Variants in RIF1 observed in about 807,000 individuals in gnomAD.
RIF1 encodes the protein telomere-associated protein RIF1.
A neutral mutation model predicts 247.1 loss-of-function variants in RIF1; 45 were observed. The observed-to-expected ratio is 0.18, with a 90% confidence interval of 0.14 to 0.23. The LOEUF (loss-of-function observed/expected upper bound fraction) is 0.23, where lower values mean the gene tolerates loss of function less well. RIF1 is among the 10% of genes least tolerant of loss of function. The probability of loss-of-function intolerance (pLI) is 1.00; values close to 1 mark genes in which losing one functional copy is unlikely to be tolerated. For synonymous variants in RIF1, 1,087 were observed against 978.8 expected, an observed-to-expected ratio of 1.11 and a Z score of -2.06; for missense variants, 2,967 against 2,862.5, an observed-to-expected ratio of 1.04 and a Z score of -0.83.
chr2:151,464,520 T>A lies in RIF1; in HGVS notation c.5000T>A (p.Leu1667Gln). ...TATGCAGAATATTCCTTTACAAGTC[T>A]ACCTGTGCCAGAATCAAATCTAAGG... ...SKYAEYSFTS[L>Q]PVPESNLRTR... The change falls in exon 30 of 36, where the codon CTA becomes CAA. Residue 1667 changes from leucine (L) to glutamine (Q), a missense_variant. Leu to Gln is a moderately radical substitution (Grantham distance 113). Coordinates refer to ENST00000444746, the MANE Select transcript of RIF1 (RefSeq NM_018151.5). 1 of 1,611,814 alleles carries A rather than the reference T, an allele frequency of 6.2e-7. No homozygotes were observed. The highest frequency in any genetic ancestry group is 8.5e-7 in the Non-Finnish European group (1 of 1,179,246).
intron 20 of RIF1, among the ~76,000 whole-genome samples, chr2:151,447,960 T>C (rs531227676): frequency 6.6e-6 from 1 of 152,342 alleles, no homozygotes; most frequent in East Asian, 1.9e-4. Context: ...TGAAATGATA[T>C]TTGTTGTGCC....
intron 22 of RIF1, among the ~76,000 whole-genome samples, chr2:151,455,476 A>G (rs1695032342): frequency 6.6e-6 from 1 of 151,278 alleles, no homozygotes; most frequent in Non-Finnish European, 1.5e-5. Flanking sequence ...CTGTTTTGCA[A>G]TTAATTATAT....
chr2:151,492,253 T>C (rs1415946526), intron 9 of RIF1: 1 of 1,613,406 alleles, frequency 6.2e-7, no homozygotes, highest in East Asian at 2.2e-5. Context: ...GCAACCCTTG[T>C]GTTTCTCAAA....
Position 151,468,038 on chromosome 2 carries a change from A to T in RIF1, c.6639A>T (p.Ala2213=), listed in dbSNP as rs1411975259. Residue 2213 remains alanine (A), a synonymous_variant, in exon 31 of 36, where the codon GCA becomes GCT. Transcript: ENST00000444746. ...RVSFADPIYQ[A]GLADDIDRRC... Reference sequence around the variant, plus strand: ...CCTTTGCAGATCCAATATACCAAGCAGGATTGGCAGATGACATTGATAGAC... The same window carrying T: ...CCTTTGCAGATCCAATATACCAAGCTGGATTGGCAGATGACATTGATAGAC... The T allele has an allele frequency of 6.2e-7, 1 of 1,613,762 alleles. No individual in the cohort carries two copies. The highest frequency in any genetic ancestry group is 8.5e-7 in the Non-Finnish European group (1 of 1,179,838).
chr2:151,431,832 C>T (rs1186509063), intron 9 of RIF1, among the ~76,000 whole-genome samples: 1 of 146,130 alleles, frequency 6.8e-6, no homozygotes, highest in Non-Finnish European at 1.5e-5. Flanking sequence ...GAATAGGAGA[C>T]CCCAAAAAGG....
chr2:151,529,322 A>G, the RIF1 span: 5 of 1,554,716 alleles, frequency 3.2e-6, no homozygotes, highest in Non-Finnish European at 4.4e-6. Flanking sequence ...CAGCTGTGGG[A>G]GGAAACACAG....
rs72860218 is a variant in RIF1 at position 151,417,886 on chromosome 2, T to A, written c.503+985T>A. The stretch of plus-strand genomic sequence containing the variant: ...GCTGCATGGTACAACCTGTTGCTCC[T>A]AGGCTACAGACCTGTACAGTATATT... On this transcript the variant is annotated intron_variant, in intron 6 of 35. Transcript: ENST00000444746. 4.9e-3 allele frequency among the ~76,000 whole-genome samples: 748 copies of A among 152,346 alleles called. 5 individuals carry two copies. The highest frequency in any genetic ancestry group is 7.8e-3 in the Admixed American group (119 of 15,294).
chr2:151,463,302 T>G lies in RIF1; in HGVS notation c.3782T>G (p.Phe1261Cys). The G allele has an allele frequency of 6.2e-7, 1 of 1,612,910 alleles. No homozygotes were observed. The highest frequency in any genetic ancestry group is 8.5e-7 in the Non-Finnish European group (1 of 1,179,748). ...NNQETMIKTD[F>C]LPKAKQREGT... ...CAGGAAACCATGATTAAAACAGATT[T>G]TCTACCAAAAGCAAAGCAAAGAGAA... Residue 1261 changes from phenylalanine to cysteine, a missense_variant, in exon 30 of 36, where the codon TTT becomes TGT. Around this residue, in one of 7 missense-constraint regions of RIF1, gnomAD observed 2,028 missense variants for 1,825.6 expected, o/e 1.11. Transcript: ENST00000444746.
intron 14 of RIF1, 129 bp from the exon 15 acceptor site, chr2:151,439,898 A>AG (rs1432305473): frequency 1.9e-6 from 1 of 525,490 alleles, no homozygotes; most frequent in Non-Finnish European, 3.3e-6. Context: ...GCTTGAACCC[A>AG]GGAAGTGGTG....
At chr2:151,498,733 G>A (rs929002351) in intron 10 of RIF1, among the ~76,000 whole-genome samples, 4 of 152,052 alleles carry the variant, frequency 2.6e-5, no homozygotes, top group Non-Finnish European at 4.4e-5. Flanking sequence ...ATCACATAGG[G>A]ATATTTGGGT....
Position 151,451,590 on chromosome 2 carries a change from G to A in RIF1, c.2245-16G>A. 8.5e-7 allele frequency: 1 copy of A among 1,170,952 alleles called. No individual in the cohort carries two copies. The highest frequency in any genetic ancestry group is 2.3e-5 in the East Asian group (1 of 42,660). 72.5% of individuals were successfully genotyped at this position (1,170,952 alleles called of 1,614,324 possible). On this transcript the variant is annotated splice_polypyrimidine_tract_variant and intron_variant, in intron 20 of 35. Coordinates refer to ENST00000444746, the MANE Select transcript of RIF1 (RefSeq NM_018151.5). ...CAGTACTTGAATGTTTCTAACAGTG[G>A]TACTTTCTTCCCTAGAATTTGTTGT...
rs184679189 is a variant in RIF1 at position 151,410,955 on chromosome 2, C to T, written c.105-305C>T. 2.6e-3 allele frequency among the ~76,000 whole-genome samples: 391 copies of T among 151,886 alleles called. 1 individual carries two copies. The highest frequency in any genetic ancestry group is 4.0e-3 in the Non-Finnish European group (270 of 67,962). On this transcript the variant is annotated intron_variant, in intron 2 of 35. Coordinates refer to ENST00000444746, the MANE Select transcript of RIF1 (RefSeq NM_018151.5). ...AGAAATGTACTAAAGTTTTGTAAAACCCTTTGGAAAGGCTTAGCAAATCGT... is the reference window on the plus strand; with the variant it reads ...AGAAATGTACTAAAGTTTTGTAAAATCCTTTGGAAAGGCTTAGCAAATCGT...
chr2:151,439,025 C>G (rs2152356389), intron 14 of RIF1, among the ~76,000 whole-genome samples: 1 of 152,232 alleles, frequency 6.6e-6, no homozygotes, highest in African/African-American at 2.4e-5. Flanking sequence ...TTGCTGATAA[C>G]ATAAATAGCT....
chr2:151,485,724 G>C (rs773628949), downstream of RIF1: 1 of 1,564,374 alleles, frequency 6.4e-7, no homozygotes, highest in African/African-American at 1.3e-5. Context: ...TGCAGGATCT[G>C]TAAGTCCTGC....
intron 31 of RIF1, 92 bp from the exon 32 acceptor site, chr2:151,468,382 T>G: frequency 4.5e-6 from 5 of 1,108,490 alleles, no homozygotes; most frequent in Non-Finnish European, 6.7e-6. Flanking sequence ...TTTGAACTTT[T>G]AAAGAAATGA....
At chr2:151,441,013 A>G (rs1201874039) in intron 15 of RIF1, among the ~76,000 whole-genome samples, 1 of 152,208 alleles carries the variant, frequency 6.6e-6, no homozygotes, top group Admixed American at 6.5e-5. Context: ...ACCACTGGGC[A>G]TGGTGGCTCA....
At chr2:151,518,927 T>C in the RIF1 span, 1 of 1,446,058 alleles carries the variant, frequency 6.9e-7, no homozygotes, top group South Asian at 1.1e-5. Flanking sequence ...TCCAAATGGG[T>C]AAAACAAGCT....
At chr2:151,509,630 T>C (rs182331609), downstream of RIF1, among the ~76,000 whole-genome samples, 3 of 152,196 alleles carry the variant, frequency 2.0e-5, no homozygotes, top group Admixed American at 6.5e-5. Context: ...TTTTGTTTGT[T>C]TGGTTTTTTG....
At chr2:151,414,715 T>G (rs1235988490) in intron 3 of RIF1, 108 bp from the exon 4 acceptor site, 4 of 686,416 alleles carry the variant, frequency 5.8e-6, no homozygotes, top group Non-Finnish European at 1.0e-5. Flanking sequence ...TCTCAAGGAT[T>G]TGTTGGAGTA....
Sources: gnomAD v4.1 joint callset for allele counts (sites outside exome capture counted in the v4.1 genomes callset) on GRCh38, gnomAD v4.1.1 for gene constraint, gnomAD v4.1.1 regional missense constraint, MANE v1.5 for transcripts, NCBI Gene and HGNC (gene_info 2026-07-23, HGNC 2026-07-21) for gene names.